Variants in HSD17B11 observed in about 807,000 individuals in gnomAD.
The protein encoded by HSD17B11 is hydroxysteroid 17-beta dehydrogenase 11.
A neutral mutation model predicts 27.8 loss-of-function variants in HSD17B11; 22 were observed. The observed-to-expected ratio is 0.79, with a 90% CI of 0.56 to 1.13. The LOEUF is 1.13. Among genes scored for constraint, HSD17B11 ranks in the 50% most tolerant of loss-of-function variants. The probability of loss-of-function intolerance (pLI) is 0.00; values close to 1 mark genes in which losing one functional copy is unlikely to be tolerated. For synonymous variants in HSD17B11, 117 were observed against 132.8 expected, an observed-to-expected ratio of 0.88 and a Z score of 0.82; for missense variants, 314 against 351.1, an observed-to-expected ratio of 0.89 and a Z score of 0.84.
At chr4:87,341,906 G>A (rs2110112345) in intron 5 of HSD17B11, among the ~76,000 whole-genome samples, 1 of 152,136 alleles carries the variant, frequency 6.6e-6, no homozygotes, top group Admixed American at 6.5e-5. Flanking sequence ...AAAAAAATCA[G>A]TTACAGAAGT....
chr4:87,367,591 CATA>C (rs2110122474), intron 4 of HSD17B11, among the ~76,000 whole-genome samples: 1 of 152,190 alleles, frequency 6.6e-6, no homozygotes, highest in South Asian at 2.1e-4. Flanking sequence ...TCAGTCTTAC[CATA>C]ATGTGTCTTT....
rs1486346088 is a variant in HSD17B11, at chr4:87,340,573, TACC to T, written c.726_728del (p.Val243del). 1 of 1,613,244 alleles carries T rather than the reference TACC, an allele frequency of 6.2e-7. No individual in the cohort carries two copies. The highest frequency in any genetic ancestry group is 1.7e-5 in the Admixed American group (1 of 59,884). ...TCAGAATCCCATGCATCAGCCTGTT[TACC>T]ACTTCCTCAGGTTCCAGAGTGGGTC... On this transcript the variant is annotated inframe_deletion, in exon 6 of 7. Coordinates refer to ENST00000358290, the MANE Select transcript of HSD17B11 (RefSeq NM_016245.5).
intron 4 of HSD17B11, among the ~76,000 whole-genome samples, chr4:87,364,233 G>A (rs1292883674): frequency 2.0e-5 from 3 of 148,254 alleles, no homozygotes; most frequent in African/African-American, 7.5e-5. Flanking sequence ...GGGACTACTT[G>A]GGAAAAACAA....
chr4:87,356,541 GA>G lies in HSD17B11; in HGVS notation c.695+737del, dbSNP rs1312193663. ...GTTATAGAAAATTCAGAGAAGTCTA[GA>G]AGGATGTTTATCAAAATTTTGAGAG... is the stretch of plus-strand genomic sequence containing the variant. On this transcript the variant is annotated intron_variant, in intron 5 of 6. Coordinates refer to ENST00000358290, the MANE Select transcript of HSD17B11 (RefSeq NM_016245.5). Among the ~76,000 whole-genome samples, 6 of 152,256 alleles carry G rather than the reference GA, an allele frequency of 3.9e-5. No individual in the cohort carries two copies. In the East Asian group the frequency reaches 1.2e-3, roughly 29 times the overall value.
At chr4:87,341,157 T>A (rs530442198) in intron 5 of HSD17B11, among the ~76,000 whole-genome samples, 1 of 152,008 alleles carries the variant, frequency 6.6e-6, no homozygotes, top group Non-Finnish European at 1.5e-5. Context: ...TTTTTTTGGT[T>A]GTTGTTGTTT....
chr4:87,358,977 C>G (rs368447605), intron 4 of HSD17B11, among the ~76,000 whole-genome samples: 4 of 152,206 alleles, frequency 2.6e-5, no homozygotes, highest in African/African-American at 9.6e-5. Flanking sequence ...ATGCTGTTCT[C>G]GTGATAGTGG....
intron 4 of HSD17B11, among the ~76,000 whole-genome samples, chr4:87,370,791 C>T (rs1345442730): frequency 9.3e-6 from 1 of 107,934 alleles, no homozygotes; most frequent in Admixed American, 1.1e-4. Context: ...CTCGCTCTGT[C>T]GCCCAGGCTG....
intron 4 of HSD17B11, among the ~76,000 whole-genome samples, chr4:87,364,712 C>T (rs974225645): frequency 2.6e-5 from 4 of 152,182 alleles, no homozygotes; most frequent in African/African-American, 9.7e-5. Context: ...GTAGTATTTC[C>T]CTCCTTTTGG....
At chr4:87,371,714 C>T (rs1309026043) in intron 4 of HSD17B11, among the ~76,000 whole-genome samples, 2 of 152,200 alleles carry the variant, frequency 1.3e-5, no homozygotes, top group Non-Finnish European at 2.9e-5. Context: ...TGTGAAAGTC[C>T]TATCATTGAT....
At chr4:87,361,280 A>G (rs1735507612) in intron 4 of HSD17B11, among the ~76,000 whole-genome samples, 1 of 152,198 alleles carries the variant, frequency 6.6e-6, no homozygotes, top group African/African-American at 2.4e-5. Context: ...CACTCCCACC[A>G]GCGCCATAAC....
intron 4 of HSD17B11, among the ~76,000 whole-genome samples, chr4:87,361,439 G>A (rs1422400424): frequency 6.6e-6 from 1 of 152,160 alleles, no homozygotes; most frequent in African/African-American, 2.4e-5. Flanking sequence ...TCTGTCTATG[G>A]AGTAGCCATT....
At chr4:87,370,709 G>A (rs1434579444) in intron 4 of HSD17B11, among the ~76,000 whole-genome samples, 1 of 144,642 alleles carries the variant, frequency 6.9e-6, no homozygotes, top group South Asian at 2.2e-4. Flanking sequence ...GAGCCTCCAC[G>A]CCTGGCCTAG....
In HSD17B11 at chr4:87,382,278, C is replaced by T. The variant is rs1426324029; in HGVS notation, c.295G>A (p.Asp99Asn). The T allele has an allele frequency of 2.5e-6, 4 of 1,613,448 alleles. No homozygotes were observed. The African/African-American group carries it at 5.3e-5, about 22-fold the overall frequency. The stretch of plus-strand genomic sequence containing the variant: ...ACCTTCTTTGCAGAGCTGTAAATAT[C>T]TTCTCGGTTGCTGCAGTCTACCACA... ...TFVVDCSNRE[D>N]IYSSAKKVKA... is the part of the protein sequence containing the mutation. Residue 99 changes from aspartate (D) to asparagine (N), a missense_variant, in exon 2 of 7, where the codon GAT (aspartate) becomes AAT (asparagine). Physicochemically the swap from Asp to Asn is conservative, Grantham distance 23 (BLOSUM62 1). Coordinates refer to ENST00000358290, the MANE Select transcript of HSD17B11 (RefSeq NM_016245.5).
At chr4:87,381,737 T>TCTCAAA (rs1218101940) in intron 2 of HSD17B11, among the ~76,000 whole-genome samples, 1 of 133,202 alleles carries the variant, frequency 7.5e-6, no homozygotes, top group African/African-American at 2.9e-5. Context: ...CCAACCTGGG[T>TCTCAAA]AACAGAGTGA....
intron 4 of HSD17B11, among the ~76,000 whole-genome samples, chr4:87,360,130 T>C (rs1735477685): frequency 9.5e-6 from 1 of 105,048 alleles, no homozygotes; most frequent in East Asian, 2.3e-4. Context: ...GACAGAAATT[T>C]TCATCTGAGT....
intron 4 of HSD17B11, among the ~76,000 whole-genome samples, chr4:87,367,276 A>T: frequency 6.6e-6 from 1 of 152,186 alleles, no homozygotes. Flanking sequence ...CCTATGGGAA[A>T]CTGGCCTCAT....
intron 4 of HSD17B11, among the ~76,000 whole-genome samples, chr4:87,365,234 T>C (rs1578040022): frequency 6.6e-6 from 1 of 152,296 alleles, no homozygotes; most frequent in East Asian, 1.9e-4. Context: ...ATAGTGTATG[T>C]TTATATATTA....
chr4:87,372,462 C>G (rs1400830827), intron 4 of HSD17B11, among the ~76,000 whole-genome samples: 1 of 151,966 alleles, frequency 6.6e-6, no homozygotes, highest in African/African-American at 2.4e-5. Flanking sequence ...GTGGTTGGCT[C>G]GTAACTGAAT....
intron 4 of HSD17B11, among the ~76,000 whole-genome samples, 171 bp from the exon 5 acceptor site, chr4:87,357,587 T>TAGGC (rs1307452823): frequency 6.6e-6 from 1 of 152,242 alleles, no homozygotes; most frequent in Non-Finnish European, 1.5e-5. Context: ...GGTAAATCTG[T>TAGGC]AGGCACATTA....
Sources: allele counts gnomAD v4.1 joint callset (sites outside exome capture counted in the v4.1 genomes callset), GRCh38; gene constraint gnomAD v4.1.1; transcripts MANE v1.5; gene names NCBI Gene and HGNC (gene_info 2026-07-23, HGNC 2026-07-21).